Variants in PTPRD observed in about 807,000 individuals in gnomAD.
The protein encoded by PTPRD is receptor-type tyrosine-protein phosphatase delta.
In PTPRD, 34 loss-of-function variants were observed where a neutral mutation model predicts 214.5. That is an observed-to-expected ratio of 0.16 (90% CI 0.12 to 0.21). PTPRD has a LOEUF of 0.21. Among genes scored for constraint, PTPRD ranks in the 10% least tolerant of loss-of-function variants. PTPRD has a pLI of 1.00. For synonymous variants in PTPRD, 1,128 were observed against 845.7 expected, an observed-to-expected ratio of 1.33 and a Z score of -5.79; for missense variants, 2,545 against 2,398.7, an observed-to-expected ratio of 1.06 and a Z score of -1.27.
chr9:10,082,997 A>T (rs1338060396), intron 3 of PTPRD, among the ~76,000 whole-genome samples: 1 of 152,074 alleles, frequency 6.6e-6, no homozygotes, highest in East Asian at 1.9e-4. Flanking sequence ...AAAAGTCAAC[A>T]TTAAAGACTT....
chr9:9,211,527 A>G (rs1001602497), intron 9 of PTPRD, among the ~76,000 whole-genome samples: 320 of 108,752 alleles, frequency 2.9e-3, no homozygotes, highest in African/African-American at 8.8e-3. Flanking sequence ...ACACACACAC[A>G]CACACACACA....
chr9:8,389,902 T>C (rs1432458902), intron 36 of PTPRD, among the ~76,000 whole-genome samples: 1 of 152,170 alleles, frequency 6.6e-6, no homozygotes, highest in Non-Finnish European at 1.5e-5. Context: ...TTACAACAAC[T>C]CTGCAGTAAG....
chr9:10,486,525 G>A (rs1234271891), intron 2 of PTPRD, among the ~76,000 whole-genome samples: 3 of 152,194 alleles, frequency 2.0e-5, no homozygotes, highest in Middle Eastern at 3.4e-3. Context: ...TCTCTGTTCT[G>A]CTCCATTGGT....
chr9:9,863,251 T>A (rs1014851532), intron 5 of PTPRD, among the ~76,000 whole-genome samples: 22 of 152,128 alleles, frequency 1.4e-4, no homozygotes, highest in Non-Finnish European at 2.5e-4. Flanking sequence ...AAAGACAGAA[T>A]GGAAGTGGTG....
chr9:9,441,532 G>A (rs545377047), intron 8 of PTPRD, among the ~76,000 whole-genome samples: 1 of 152,130 alleles, frequency 6.6e-6, no homozygotes, highest in African/African-American at 2.4e-5. Flanking sequence ...GAGAAACTAG[G>A]TGATGAACTA....
intron 8 of PTPRD, among the ~76,000 whole-genome samples, chr9:9,493,332 C>T (rs1332186981): frequency 2.0e-5 from 3 of 152,034 alleles, no homozygotes; most frequent in African/African-American, 7.2e-5. Context: ...AAAAAGATTT[C>T]TTTCCAAATA....
At chr9:8,359,872 G>A (rs983246286) in intron 39 of PTPRD, among the ~76,000 whole-genome samples, 4 of 152,038 alleles carry the variant, frequency 2.6e-5, no homozygotes, top group African/African-American at 9.7e-5. Context: ...TAGGCATATG[G>A]CTATCAATAT....
chr9:10,212,022 G>A (rs1424985826), intron 3 of PTPRD, among the ~76,000 whole-genome samples: 2 of 152,124 alleles, frequency 1.3e-5, no homozygotes, highest in African/African-American at 4.8e-5. Context: ...AATTTGAGTA[G>A]ATGTTGTTTA....
intron 17 of PTPRD, 140 bp downstream of exon 17, chr9:8,526,487 A>G (rs2074192162): frequency 3.8e-6 from 2 of 529,532 alleles, no homozygotes. Context: ...GTCACTGATC[A>G]TAACCAAACA....
chr9:8,832,808 C>G (rs936757740), intron 11 of PTPRD, among the ~76,000 whole-genome samples: 2 of 152,008 alleles, frequency 1.3e-5, no homozygotes, highest in African/African-American at 4.8e-5. Flanking sequence ...CTCTTGCTCT[C>G]TCTGTATTTC....
chr9:8,586,327 G>C (rs779858731), intron 14 of PTPRD, among the ~76,000 whole-genome samples: 2 of 152,052 alleles, frequency 1.3e-5, no homozygotes, highest in African/African-American at 4.8e-5. Context: ...ATAATATCTT[G>C]TGTATTATAA....
At chr9:10,561,075 T>C (rs79386754) in intron 2 of PTPRD, among the ~76,000 whole-genome samples, 6,298 of 152,256 alleles carry the variant, frequency 0.041, 437 homozygotes, top group African/African-American at 0.14. Flanking sequence ...TCCATGAATA[T>C]ATAAAATTGA....
At chr9:10,496,565 C>T (rs751702113) in intron 2 of PTPRD, among the ~76,000 whole-genome samples, 8 of 151,966 alleles carry the variant, frequency 5.3e-5, no homozygotes, top group Non-Finnish European at 1.0e-4. Context: ...AATTTACATT[C>T]CCACCAACAG....
chr9:10,076,897 TGTAGA>T (rs1344176999), intron 3 of PTPRD, among the ~76,000 whole-genome samples: 1 of 152,170 alleles, frequency 6.6e-6, no homozygotes, highest in East Asian at 1.9e-4. Flanking sequence ...TTGCTGTATT[TGTAGA>T]GTAGATGTTG....
Position 10,439,063 on chromosome 9 carries a change from T to C in PTPRD, c.-599-98046A>G, listed in dbSNP as rs188627540. ...GATACAGCAGAGGTCTGAAAAGTGCTTGTCCGTTGGAGCTTACCTTCACTT... is the reference window on the plus strand; with the variant it reads ...GATACAGCAGAGGTCTGAAAAGTGCCTGTCCGTTGGAGCTTACCTTCACTT... On this transcript the variant is annotated intron_variant, in intron 2 of 45. Coordinates refer to ENST00000381196, the MANE Select transcript of PTPRD (RefSeq NM_002839.4). Among the ~76,000 whole-genome samples, 209 of 151,928 alleles carry C rather than the reference T, an allele frequency of 1.4e-3. 1 individual carries two copies. The highest frequency in any genetic ancestry group is 4.8e-3 in the African/African-American group (199 of 41,504).
At chr9:8,322,642 A>T (rs1295696939) in intron 44 of PTPRD, among the ~76,000 whole-genome samples, 2 of 152,332 alleles carry the variant, frequency 1.3e-5, no homozygotes, top group Admixed American at 6.5e-5. Flanking sequence ...CCCATAACAT[A>T]AAAGTGCAAG....
intron 2 of PTPRD, among the ~76,000 whole-genome samples, chr9:10,587,290 A>G (rs1391764464): frequency 1.3e-5 from 2 of 152,050 alleles, no homozygotes. Flanking sequence ...ACACTAAAAT[A>G]TTTTTCACAA....
chr9:8,837,152 A>C (rs1038506676), intron 11 of PTPRD, among the ~76,000 whole-genome samples: 3 of 150,838 alleles, frequency 2.0e-5, no homozygotes, highest in Non-Finnish European at 4.4e-5. Context: ...TAGCCTCCCT[A>C]GTAGCTGGGA....
Position 8,317,456 on chromosome 9 carries a change from T to C in PTPRD, c.*418A>G, listed in dbSNP as rs986970687. 23 of 240,958 alleles carry C rather than the reference T, an allele frequency of 9.5e-5. No individual in the cohort carries two copies. Among genetic ancestry groups the C allele is most frequent in the African/African-American group, 4.4e-4 (20 of 45,380 alleles). 14.9% of individuals were successfully genotyped at this position (240,958 alleles called of 1,614,324 possible). On this transcript the variant is annotated 3_prime_UTR_variant, in exon 46 of 46. Coordinates refer to ENST00000381196, the MANE Select transcript of PTPRD (RefSeq NM_002839.4). ...TGAGCAGTATGGTGGGAAGGGGCGA[T>C]GTCAAAGCAGAGTCCGTTTCATTGT...
Sources: allele counts gnomAD v4.1 joint callset (sites outside exome capture counted in the v4.1 genomes callset), GRCh38; gene constraint gnomAD v4.1.1; transcripts MANE v1.5; gene names NCBI Gene and HGNC (gene_info 2026-07-23, HGNC 2026-07-21).